ZNF131: variants seen among roughly 807,000 people sequenced by gnomAD.
The protein encoded by ZNF131 is zinc finger and BTB domain containing 35.
A neutral mutation model predicts 60.0 loss-of-function variants in ZNF131; 7 were observed. The observed-to-expected ratio is 0.12, with a 90% CI of 0.07 to 0.22. The LOEUF is 0.22. Ranked by LOEUF, ZNF131 falls within the 10% of genes least tolerant of loss-of-function variation. The probability of loss-of-function intolerance (pLI) is 1.00; values close to 1 mark genes in which losing one functional copy is unlikely to be tolerated. For missense variants in ZNF131, 493 were observed against 740.9 expected, an observed-to-expected ratio of 0.67 and a Z score of 3.88; for synonymous variants, 257 against 253.2, an observed-to-expected ratio of 1.01 and a Z score of -0.14.
chr5:43,135,291 G>A (rs148650764), intron 3 of ZNF131, among the ~76,000 whole-genome samples: 5 of 151,640 alleles, frequency 3.3e-5, no homozygotes, highest in Non-Finnish European at 5.9e-5. Flanking sequence ...CACTGCGCCC[G>A]GCCATCAATT....
intron 4 of ZNF131, chr5:43,143,556 C>T: frequency 2.4e-6 from 1 of 420,264 alleles, no homozygotes; most frequent in South Asian, 3.6e-5. Context: ...AGTGACTTTC[C>T]TGGACTTCTG....
At chr5:43,140,500 A>G (rs13185369) in intron 4 of ZNF131, among the ~76,000 whole-genome samples, 1 of 152,228 alleles carries the variant, frequency 6.6e-6, no homozygotes, top group Non-Finnish European at 1.5e-5. Flanking sequence ...CAAAGTGTTT[A>G]GCATGGTGTC....
At chr5:43,161,992 C>A in intron 5 of ZNF131, 61 bp downstream of exon 5, 1 of 1,455,758 alleles carries the variant, frequency 6.9e-7, no homozygotes, top group South Asian at 1.4e-5. Context: ...ATTTAAGTAT[C>A]TAAATCCTTT....
intron 3 of ZNF131, among the ~76,000 whole-genome samples, chr5:43,128,070 T>C (rs1402793365): frequency 2.0e-5 from 3 of 152,220 alleles, no homozygotes; most frequent in Non-Finnish European, 4.4e-5. Context: ...GCTGCTCCCT[T>C]TTACTCCTTT....
intron 4 of ZNF131, among the ~76,000 whole-genome samples, chr5:43,147,408 AT>A (rs1303787334): frequency 4.8e-5 from 7 of 145,528 alleles, no homozygotes; most frequent in Middle Eastern, 3.4e-3. Context: ...TTTTTATTTT[AT>A]TTTATTTATT....
chr5:43,174,414 G>A (rs1156585707), intron 6 of ZNF131, 33 bp from the exon 7 acceptor site: 2 of 1,492,616 alleles, frequency 1.3e-6, no homozygotes, highest in South Asian at 1.4e-5. Context: ...TTGGATATAA[G>A]TATTGTCTAC....
intron 5 of ZNF131, among the ~76,000 whole-genome samples, chr5:43,168,425 G>T (rs548853770): frequency 1.3e-5 from 2 of 152,276 alleles, no homozygotes; most frequent in African/African-American, 4.8e-5. Context: ...TGGCCAGAGG[G>T]TTAGGTCCAA....
intron 4 of ZNF131, among the ~76,000 whole-genome samples, chr5:43,144,641 A>G (rs189887290): frequency 1.1e-4 from 16 of 152,286 alleles, no homozygotes; most frequent in Admixed American, 4.6e-4. Context: ...AGTAGTTGCA[A>G]TGATAAACAG....
intron 4 of ZNF131, among the ~76,000 whole-genome samples, chr5:43,140,040 A>G (rs1746603892): frequency 1.3e-5 from 2 of 151,964 alleles, no homozygotes; most frequent in Non-Finnish European, 2.9e-5. Flanking sequence ...ACATGGTGAA[A>G]CCCTGTCTCT....
chr5:43,124,337 T>C (rs1744239947), intron 3 of ZNF131: 1 of 152,224 alleles, frequency 6.6e-6, no homozygotes, highest in South Asian at 2.1e-4. Context: ...TTAGCTTCTT[T>C]TAGGGTTCTT....
chr5:43,135,406 C>T (rs879377540), intron 3 of ZNF131, among the ~76,000 whole-genome samples: 5 of 152,148 alleles, frequency 3.3e-5, no homozygotes, highest in Non-Finnish European at 7.4e-5. Context: ...TAGGCTTAAC[C>T]TTTCACCTCC....
At chr5:43,168,802 G>A (rs1750648417) in intron 5 of ZNF131, among the ~76,000 whole-genome samples, 1 of 152,140 alleles carries the variant, frequency 6.6e-6, no homozygotes, top group South Asian at 2.1e-4. Flanking sequence ...GGAAAAGAGA[G>A]ATTTGAGTAA....
intron 4 of ZNF131, among the ~76,000 whole-genome samples, chr5:43,152,931 C>A (rs986311814): frequency 2.0e-5 from 3 of 152,142 alleles, no homozygotes; most frequent in Non-Finnish European, 4.4e-5. Context: ...ATTGTCCCTC[C>A]CTGCCCTATA....
chr5:43,125,778 C>G (rs1213671790), intron 3 of ZNF131, among the ~76,000 whole-genome samples: 2 of 150,980 alleles, frequency 1.3e-5, no homozygotes, highest in Admixed American at 6.6e-5. Flanking sequence ...GAAACTCCGT[C>G]TCAAAGAAAA....
At chr5:43,131,297 C>T (rs777910771) in intron 3 of ZNF131, among the ~76,000 whole-genome samples, 3 of 151,974 alleles carry the variant, frequency 2.0e-5, no homozygotes, top group Non-Finnish European at 4.4e-5. Context: ...CTCAGCCTCC[C>T]GAGTAACTGG....
intron 2 of ZNF131, among the ~76,000 whole-genome samples, 159 bp downstream of exon 2, chr5:43,122,336 G>A (rs562986941): frequency 6.9e-5 from 10 of 143,948 alleles, no homozygotes; most frequent in African/African-American, 2.6e-4. Flanking sequence ...GATTGCACTT[G>A]TCAGTGTCCA....
At chr5:43,143,934 T>C (rs1431763119) in intron 4 of ZNF131, among the ~76,000 whole-genome samples, 5 of 107,962 alleles carry the variant, frequency 4.6e-5, no homozygotes, top group South Asian at 3.8e-4. Flanking sequence ...TTTTTTTTTT[T>C]TTCCTTGAGA....
At chr5:43,166,327 C>G (rs995247195) in intron 5 of ZNF131, among the ~76,000 whole-genome samples, 1 of 152,012 alleles carries the variant, frequency 6.6e-6, no homozygotes, top group African/African-American at 2.4e-5. Flanking sequence ...GGCTTCATCA[C>G]TTCTGCCTTT....
chr5:43,142,151 C>G (rs1463860414), intron 4 of ZNF131, among the ~76,000 whole-genome samples: 1 of 151,550 alleles, frequency 6.6e-6, no homozygotes, highest in Non-Finnish European at 1.5e-5. Flanking sequence ...ACCAGCCTGG[C>G]CAAGACGGTG....
Sources: allele counts gnomAD v4.1 joint callset (sites outside exome capture counted in the v4.1 genomes callset), GRCh38; gene constraint gnomAD v4.1.1; transcripts MANE v1.5; gene names NCBI Gene and HGNC (gene_info 2026-07-23, HGNC 2026-07-21).